Variants in C10orf67 observed in about 807,000 individuals in gnomAD.
The protein encoded by C10orf67 is chromosome 10 open reading frame 67, also known as uncharacterized protein C10orf67, mitochondrial.
A neutral mutation model predicts 35.6 loss-of-function variants in C10orf67; 60 were observed. That is an observed-to-expected ratio of 1.68 (90% CI 1.37 to 2.09). The LOEUF (loss-of-function observed/expected upper bound fraction) is 2.09, where lower values mean the gene tolerates loss of function less well. Ranked by LOEUF, C10orf67 falls within the 30% of genes most tolerant of loss-of-function variation. C10orf67 has a pLI of 0.00. For missense variants in C10orf67, 474 were observed against 330.2 expected (o/e 1.44, Z -3.38); for synonymous variants, 167 against 115.8 (o/e 1.44, Z -2.84).
chr10:23,228,753 C>A, intron 13 of C10orf67, among the ~76,000 whole-genome samples: 1 of 151,718 alleles, frequency 6.6e-6, no homozygotes, highest in East Asian at 1.9e-4. Context: ...AAAAAAACAA[C>A]CCCATCAAAA....
chr10:23,276,588 G>A (rs992282768), intron 8 of C10orf67, among the ~76,000 whole-genome samples: 3 of 152,102 alleles, frequency 2.0e-5, no homozygotes, highest in Admixed American at 6.5e-5. Flanking sequence ...GACCAAAGGA[G>A]TGTGTCCTGT....
At chr10:23,261,101 A>G (rs183904362) in intron 10 of C10orf67, among the ~76,000 whole-genome samples, 27 of 152,306 alleles carry the variant, frequency 1.8e-4, no homozygotes, top group African/African-American at 6.5e-4. Flanking sequence ...CATTGGATTA[A>G]CTGGACTCTA....
intron 15 of C10orf67, among the ~76,000 whole-genome samples, chr10:23,223,217 G>C (rs1841633629): frequency 6.6e-6 from 1 of 151,954 alleles, no homozygotes; most frequent in South Asian, 2.1e-4. Flanking sequence ...TGGACTACAG[G>C]TTCATGCCAC....
In C10orf67 at chr10:23,344,669, C is replaced by T. The variant is rs372154796; in HGVS notation, c.106G>A (p.Glu36Lys). 1 of 1,580,208 alleles carries T rather than the reference C, an allele frequency of 6.3e-7. No homozygotes were observed. The highest frequency in any genetic ancestry group is 8.6e-7 in the Non-Finnish European group (1 of 1,163,468). Reference protein sequence around the residue: ...SLRGTFGTRWEAMKAKATELR... With the variant: ...SLRGTFGTRWKAMKAKATELR... ...TCGGTGGCCTTGGCTTTCATGGCCT[C>T]CCAGCGTGTGCCAAAGGTCCCCCTC... Residue 36 changes from glutamate to lysine, a missense_variant, in exon 1 of 16, where the codon GAG (glutamate) becomes AAG (lysine). Coordinates refer to ENST00000636213, the MANE Select transcript of C10orf67 (RefSeq NM_001371909.1).
chr10:23,304,169 G>T (rs914728744), intron 4 of C10orf67, among the ~76,000 whole-genome samples: 5 of 151,998 alleles, frequency 3.3e-5, no homozygotes, highest in Non-Finnish European at 5.9e-5. Context: ...GGCACCTGCT[G>T]GGAGTCATGC....
At chr10:23,230,969 C>T (rs1841890691) in intron 13 of C10orf67, among the ~76,000 whole-genome samples, 1 of 152,074 alleles carries the variant, frequency 6.6e-6, no homozygotes, top group Non-Finnish European at 1.5e-5. Flanking sequence ...CTAATCTCCT[C>T]CTTTCATTTT....
At chr10:23,306,714 G>T (rs1844299217) in intron 4 of C10orf67, among the ~76,000 whole-genome samples, 1 of 152,070 alleles carries the variant, frequency 6.6e-6, no homozygotes, top group South Asian at 2.1e-4. Flanking sequence ...TGCCAAGAGA[G>T]CAGATCTTGT....
chr10:23,224,246 C>T (rs1051381157), intron 13 of C10orf67, among the ~76,000 whole-genome samples: 3 of 152,206 alleles, frequency 2.0e-5, no homozygotes, highest in Admixed American at 1.3e-4. Flanking sequence ...GCAGCCTCCG[C>T]TGCTGATACC....
chr10:23,292,707 A>G (rs1843756047), intron 5 of C10orf67, among the ~76,000 whole-genome samples: 1 of 151,018 alleles, frequency 6.6e-6, no homozygotes, highest in African/African-American at 2.4e-5. Context: ...TACTAATGAA[A>G]TTACGTATGG....
At chr10:23,255,997 T>C (rs1842589885) in intron 10 of C10orf67, among the ~76,000 whole-genome samples, 1 of 151,780 alleles carries the variant, frequency 6.6e-6, no homozygotes, top group Non-Finnish European at 1.5e-5. Context: ...ATAAGTATGT[T>C]ATCAGTTTTG....
At chr10:23,247,624 A>G (rs1191493583) in intron 12 of C10orf67, among the ~76,000 whole-genome samples, 3 of 152,242 alleles carry the variant, frequency 2.0e-5, no homozygotes, top group Admixed American at 6.5e-5. Context: ...GAATAACTTT[A>G]TATCAATAAA....
intron 10 of C10orf67, among the ~76,000 whole-genome samples, chr10:23,258,038 T>C (rs939204444): frequency 2.6e-5 from 4 of 152,208 alleles, no homozygotes; most frequent in African/African-American, 4.8e-5. Flanking sequence ...ACACATGATG[T>C]GCAGCATTCA....
In C10orf67 at chr10:23,343,131, T is replaced by TGACATC. The variant is rs542555430; in HGVS notation, c.206+1432_206+1437dup. On this transcript the variant is annotated intron_variant, in intron 1 of 15. Transcript: ENST00000636213. ...ACAAGGATCAAGGAATAGCAAATAA[T>TGACATC]GACATCGGCAAACACTTCTATGATT... Among the ~76,000 whole-genome samples the TGACATC allele has an allele frequency of 8.5e-5, 13 of 152,324 alleles. No homozygotes were observed. The East Asian group carries it at 1.7e-3, about 20-fold the overall frequency.
At chr10:23,328,060 A>G (rs1845267497) in intron 2 of C10orf67, among the ~76,000 whole-genome samples, 1 of 152,200 alleles carries the variant, frequency 6.6e-6, no homozygotes, top group Non-Finnish European at 1.5e-5. Flanking sequence ...GAAAAATTCG[A>G]GTATTTAAAT....
At chr10:23,305,081 C>T (rs921423819) in intron 4 of C10orf67, among the ~76,000 whole-genome samples, 1 of 152,174 alleles carries the variant, frequency 6.6e-6, no homozygotes. Flanking sequence ...TCTGTAATGA[C>T]TGGAGGAAGT....
chr10:23,270,372 G>A (rs1183244346), intron 8 of C10orf67, among the ~76,000 whole-genome samples: 1 of 152,160 alleles, frequency 6.6e-6, no homozygotes, highest in African/African-American at 2.4e-5. Flanking sequence ...TGCAACCTGT[G>A]GATCAGGAGA....
chr10:23,212,204 A>G (rs1187179310), intron 15 of C10orf67, among the ~76,000 whole-genome samples: 4 of 152,238 alleles, frequency 2.6e-5, no homozygotes, highest in African/African-American at 9.6e-5. Context: ...ACCAGAAGCT[A>G]GGAGACGGTC....
At chr10:23,246,001 G>C (rs12269577) in intron 12 of C10orf67, among the ~76,000 whole-genome samples, 18 of 152,126 alleles carry the variant, frequency 1.2e-4, no homozygotes, top group Non-Finnish European at 1.6e-4. Context: ...ACACATATGC[G>C]ATGGAATACT....
rs369086074 is a variant in C10orf67, at chr10:23,224,033, C to T, written c.1435-215G>A. ...CACTTTGAAAGAAAATTTAAGAAAACGATTTTCCTTAGTATCTCTTCTGAC... is the reference window on the plus strand; with the variant it reads ...CACTTTGAAAGAAAATTTAAGAAAATGATTTTCCTTAGTATCTCTTCTGAC... On this transcript the variant is annotated intron_variant, in intron 13 of 15. Coordinates refer to ENST00000636213, the MANE Select transcript of C10orf67 (RefSeq NM_001371909.1). Among the ~76,000 whole-genome samples the T allele has an allele frequency of 2.0e-5, 3 of 152,242 alleles. No homozygotes were observed. In the South Asian group the frequency reaches 6.2e-4, roughly 32 times the overall value.
Sources: gnomAD v4.1 joint callset for allele counts (sites outside exome capture counted in the v4.1 genomes callset) on GRCh38, gnomAD v4.1.1 for gene constraint, MANE v1.5 for transcripts, NCBI Gene and HGNC (gene_info 2026-07-23, HGNC 2026-07-21) for gene names.